Variants in SPTSSA observed in about 807,000 individuals in gnomAD.
SPTSSA encodes the protein small subunit of serine palmitoyltransferase A.
SPTSSA carries 8 observed loss-of-function variants against 9.1 expected under a neutral mutation model. That is an observed-to-expected ratio of 0.88 (90% CI 0.51 to 1.58). SPTSSA has a LOEUF of 1.58. SPTSSA is among the 40% of genes most tolerant of loss of function. SPTSSA has a pLI of 0.00. For synonymous variants in SPTSSA, 42 were observed against 37.7 expected (o/e 1.11, Z -0.41); for missense variants, 100 against 93.8 (o/e 1.07, Z -0.27).
chr14:34,441,264 A>T (rs1883311743), intron 1 of SPTSSA, among the ~76,000 whole-genome samples: 1 of 152,214 alleles, frequency 6.6e-6, no homozygotes, highest in African/African-American at 2.4e-5. Context: ...CACTTCAGTT[A>T]TGACAGGAAA....
chr14:34,443,682 C>T (rs925678017), intron 1 of SPTSSA, among the ~76,000 whole-genome samples: 32 of 152,042 alleles, frequency 2.1e-4, no homozygotes, highest in South Asian at 2.1e-3. Context: ...ATTACAGGTG[C>T]CCGCCACCAC....
intron 1 of SPTSSA, among the ~76,000 whole-genome samples, chr14:34,460,123 T>C (rs1045853623): frequency 5.3e-5 from 8 of 152,196 alleles, no homozygotes; most frequent in Admixed American, 4.6e-4. Flanking sequence ...CAATCTCAAA[T>C]TGATGTTCCA....
chr14:34,455,101 A>T (rs1201111753), intron 1 of SPTSSA, among the ~76,000 whole-genome samples: 20 of 151,658 alleles, frequency 1.3e-4, no homozygotes, highest in Non-Finnish European at 2.9e-4. Flanking sequence ...AAAAAAAAAA[A>T]TAGGAGCCGG....
rs577976905 is a variant in SPTSSA, at chr14:34,444,870, G to A, written c.113-9566C>T. On this transcript the variant is annotated intron_variant, in intron 1 of 1. Transcript: ENST00000298130. ...AACACTTTGAGAGAACAAGGAGGGC[G>A]AATCTGAGGTCAGGAGTTCGAGACC... is the stretch of plus-strand genomic sequence containing the variant. Among the ~76,000 whole-genome samples, 95 of 152,076 alleles carry A rather than the reference G, an allele frequency of 6.2e-4. 1 individual carries two copies. Among genetic ancestry groups the A allele is most frequent in the African/African-American group, 2.2e-3 (90 of 41,488 alleles).
At chr14:34,441,828 T>C (rs552043413) in intron 1 of SPTSSA, among the ~76,000 whole-genome samples, 1 of 151,064 alleles carries the variant, frequency 6.6e-6, no homozygotes, top group Non-Finnish European at 1.5e-5. Flanking sequence ...TGGGTCTTTT[T>C]CCATTTTTTT....
rs113306492 is a variant in SPTSSA, at chr14:34,445,278, G to A, written c.113-9974C>T. ...AACACTCTGGGAGGCCAAAGCAGGT[G>A]GATCACCTGAGGTCAGGAGTTGGAG... On this transcript the variant is annotated intron_variant, in intron 1 of 1. Transcript: ENST00000298130. Among the ~76,000 whole-genome samples the A allele has an allele frequency of 5.4e-3, 827 of 152,098 alleles. 5 individuals are homozygous for A. The highest frequency in any genetic ancestry group is 0.018 in the African/African-American group (766 of 41,480).
chr14:34,453,855 T>C (rs1883567024), intron 1 of SPTSSA, among the ~76,000 whole-genome samples: 1 of 151,350 alleles, frequency 6.6e-6, no homozygotes, highest in Admixed American at 6.6e-5. Context: ...CTTAAATTAC[T>C]AAATTTGAGC....
Position 34,435,266 on chromosome 14 carries a change from T to G in SPTSSA, c.151A>C (p.Thr51Pro). 6.2e-7 allele frequency: 1 copy of G among 1,613,670 alleles called. No homozygotes were observed. The highest frequency in any genetic ancestry group is 8.5e-7 in the Non-Finnish European group (1 of 1,179,700). Reference protein sequence around the residue: ...LVSIVGMALYTGYVFMPQHIM... With the variant: ...LVSIVGMALYPGYVFMPQHIM... ...TGCTGGGGCATGAAGACGTATCCTG[T>G]GTATAGTGCCATCCCCACAATGGAA... is the stretch of plus-strand genomic sequence containing the variant. Residue 51 changes from threonine (T) to proline (P), a missense_variant, in exon 2 of 2, where the codon ACA (threonine) becomes CCA (proline). Thr to Pro is a conservative substitution (Grantham distance 38, BLOSUM62 -1). Coordinates refer to ENST00000298130, the MANE Select transcript of SPTSSA (RefSeq NM_138288.4).
chr14:34,443,247 G>T (rs1256993540), intron 1 of SPTSSA, among the ~76,000 whole-genome samples: 3 of 58,760 alleles, frequency 5.1e-5, no homozygotes, highest in African/African-American at 7.6e-5. Flanking sequence ...GTTTTGAGAT[G>T]GAGTTTTCCT....
chr14:34,459,337 T>A (rs886138385), intron 1 of SPTSSA, among the ~76,000 whole-genome samples: 7 of 147,452 alleles, frequency 4.7e-5, no homozygotes, highest in Non-Finnish European at 1.0e-4. Flanking sequence ...TGGGCACCTG[T>A]AATCCCAGCT....
chr14:34,454,926 A>C (rs1883587857), intron 1 of SPTSSA, among the ~76,000 whole-genome samples: 1 of 152,112 alleles, frequency 6.6e-6, no homozygotes, highest in South Asian at 2.1e-4. Context: ...TTCTCTACTA[A>C]AAATACAAAA....
Position 34,434,451 on chromosome 14 carries a change from T to C in SPTSSA, c.*750A>G, listed in dbSNP as rs1332049000. 2 of 152,644 alleles carry C rather than the reference T, an allele frequency of 1.3e-5. No homozygotes were observed. Among genetic ancestry groups the C allele is most frequent in the Non-Finnish European group, 2.9e-5 (2 of 68,026 alleles). 9.5% of individuals were successfully genotyped at this position (152,644 alleles called of 1,614,324 possible). ...CTCTTCTATTAAAAACTCTATGGTA[T>C]ATAAGCATTACATAATAATGCTACT... is the stretch of plus-strand genomic sequence containing the variant. On this transcript the variant is annotated 3_prime_UTR_variant, in exon 2 of 2. Transcript: ENST00000298130.
intron 1 of SPTSSA, among the ~76,000 whole-genome samples, chr14:34,447,177 T>C (rs936549793): frequency 2.0e-5 from 3 of 147,488 alleles, no homozygotes; most frequent in East Asian, 2.0e-4. Context: ...TGAGCCAAGA[T>C]TGTGCCATGG....
chr14:34,448,715 G>A (rs925400363), intron 1 of SPTSSA, among the ~76,000 whole-genome samples: 5 of 152,014 alleles, frequency 3.3e-5, no homozygotes, highest in East Asian at 3.9e-4. Flanking sequence ...TTCCTTCCTC[G>A]CTTTGTTTGT....
rs202086898 is a variant in SPTSSA, at chr14:34,447,367, C to CATA, written c.113-12064_113-12063insTAT. Among the ~76,000 whole-genome samples, 826 of 151,968 alleles carry CATA rather than the reference C, an allele frequency of 5.4e-3. 5 individuals are homozygous for CATA. The highest frequency in any genetic ancestry group is 0.018 in the African/African-American group (766 of 41,470). On this transcript the variant is annotated intron_variant, in intron 1 of 1. Coordinates refer to ENST00000298130, the MANE Select transcript of SPTSSA (RefSeq NM_138288.4). ...GCATACTCCGAACTCTTGGTATTAT[C>CATA]CTCCCAACAGTCATAATAATCGTCT...
chr14:34,456,922 G>C (rs1054120727), intron 1 of SPTSSA, among the ~76,000 whole-genome samples: 1 of 147,402 alleles, frequency 6.8e-6, no homozygotes, highest in African/African-American at 2.5e-5. Flanking sequence ...AAAGAAAAAA[G>C]ATTAAAATAG....
In SPTSSA at chr14:34,458,663, AT is replaced by A. The variant is rs35426259; in HGVS notation, c.112+3432del. On this transcript the variant is annotated intron_variant, in intron 1 of 1. Coordinates refer to ENST00000298130, the MANE Select transcript of SPTSSA (RefSeq NM_138288.4). ...AGTCGTGCGCCACCACACTCAGCTA[AT>A]TTTTTTTTTTTTTTTTTTTTTTTGG... is the stretch of plus-strand genomic sequence containing the variant. Among the ~76,000 whole-genome samples the A allele has an allele frequency of 4.4e-3, 398 of 89,642 alleles. 1 individual carries two copies. The highest frequency in any genetic ancestry group is 0.021 in the Middle Eastern group (2 of 96). The allele number at this position is 89,642 out of a possible 152,430, so 58.8% of individuals were successfully genotyped here.
At position 34,434,709 on chromosome 14, in the gene SPTSSA, T is replaced by TA. The variant is rs1883211563; in HGVS notation, c.*491dup. 6.6e-6 allele frequency: 1 copy of TA among 152,670 alleles called. No individual in the cohort carries two copies. The highest frequency in any genetic ancestry group is 1.5e-5 in the Non-Finnish European group (1 of 68,066). 9.5% of individuals were successfully genotyped at this position (152,670 alleles called of 1,614,324 possible). A position where few individuals can be genotyped will look rare whatever the true frequency, so the allele number is the denominator to read the frequency against. Reference sequence around the variant, plus strand: ...AAATCTTTTGTTAAGTAGTTCTCAATAAAATATCTTCCCTCCCCATACCCC... The same window carrying TA: ...AAATCTTTTGTTAAGTAGTTCTCAATAAAAATATCTTCCCTCCCCATACCCC... On this transcript the variant is annotated 3_prime_UTR_variant, in exon 2 of 2. Transcript: ENST00000298130.
At chr14:34,435,899 G>C (rs1244787316) in intron 1 of SPTSSA, among the ~76,000 whole-genome samples, 3 of 151,880 alleles carry the variant, frequency 2.0e-5, no homozygotes, top group African/African-American at 7.3e-5. Context: ...CAAAGTGCTG[G>C]GATTACAGGC....
Sources: allele counts gnomAD v4.1 joint callset (sites outside exome capture counted in the v4.1 genomes callset), GRCh38; gene constraint gnomAD v4.1.1; transcripts MANE v1.5; gene names NCBI Gene and HGNC (gene_info 2026-07-23, HGNC 2026-07-21).